Variants in JADE1 observed in about 807,000 individuals in gnomAD.
The protein encoded by JADE1 is protein Jade-1.
A neutral mutation model predicts 81.8 loss-of-function variants in JADE1; 14 were observed. That is an observed-to-expected ratio of 0.17 (90% CI 0.11 to 0.27). The LOEUF is 0.27. JADE1 is among the 10% of genes least tolerant of loss of function. JADE1 has a pLI of 1.00. For synonymous variants in JADE1, 353 were observed against 391.9 expected (o/e 0.90, Z 1.17); for missense variants, 690 against 1,047.9 (o/e 0.66, Z 4.71).
At chr4:128,812,374 G>A (rs1254857218) in intron 1 of JADE1, among the ~76,000 whole-genome samples, 1 of 151,694 alleles carries the variant, frequency 6.6e-6, no homozygotes, top group Non-Finnish European at 1.5e-5. Flanking sequence ...CGCATTCCCC[G>A]GCGGGCGGCG....
At chr4:128,853,942 C>G (rs1730582173) in intron 6 of JADE1, among the ~76,000 whole-genome samples, 1 of 152,184 alleles carries the variant, frequency 6.6e-6, no homozygotes, top group African/African-American at 2.4e-5. Flanking sequence ...TGGGAAGTCT[C>G]CTTACGGTAG....
intron 1 of JADE1, among the ~76,000 whole-genome samples, chr4:128,827,036 G>A (rs572751875): frequency 2.6e-5 from 4 of 152,174 alleles, no homozygotes; most frequent in Non-Finnish European, 5.9e-5. Context: ...TATCAAATTA[G>A]CCATAAACCC....
In JADE1 at chr4:128,872,842, A is replaced by T. The variant is rs1462501807; in HGVS notation, c.*580A>T. 2.2e-6 allele frequency: 1 copy of T among 448,736 alleles called. No individual in the cohort carries two copies. Among genetic ancestry groups the T allele is most frequent in the Non-Finnish European group, 4.5e-6 (1 of 222,582 alleles). The allele number at this position is 448,736 out of a possible 1,614,324, so 27.8% of individuals were successfully genotyped here. A position where few individuals can be genotyped will look rare whatever the true frequency, so the allele number is the denominator to read the frequency against. Reference sequence around the variant, plus strand: ...TATAGCAGTCAGGGAAGAGAATTTTAAAAAAGGTCATTATTGAAGAAGCTG... The same window carrying T: ...TATAGCAGTCAGGGAAGAGAATTTTTAAAAAGGTCATTATTGAAGAAGCTG... On this transcript the variant is annotated 3_prime_UTR_variant, in exon 11 of 11. Transcript: ENST00000226319.
rs1423977940 is a variant in JADE1, at chr4:128,872,818, A to G, written c.*556A>G. On this transcript the variant is annotated 3_prime_UTR_variant, in exon 11 of 11. Coordinates refer to ENST00000226319, the MANE Select transcript of JADE1 (RefSeq NM_199320.4). ...AACACTAAGAAATTTATGTGTAAAT[A>G]TAGCAGTCAGGGAAGAGAATTTTAA... 1.4e-5 allele frequency: 6 copies of G among 438,876 alleles called. No individual in the cohort carries two copies. 27.2% of individuals were successfully genotyped at this position (438,876 alleles called of 1,614,324 possible).
At position 128,818,144 on chromosome 4, in the gene JADE1, A is replaced by G. The variant is rs151303216; in HGVS notation, c.-27+8267A>G. On this transcript the variant is annotated intron_variant, in intron 1 of 10. Transcript: ENST00000226319. ...GGGACTTCTTTTTTTTTTTTGAGAT[A>G]GAGTCTTGCTCTGTTATGCAGGATG... 1.5e-3 allele frequency among the ~76,000 whole-genome samples: 233 copies of G among 150,628 alleles called. 3 individuals carry two copies. The highest frequency in any genetic ancestry group is 0.014 in the East Asian group (71 of 5,118).
rs987139588 is a variant in JADE1, at chr4:128,874,484, AAAC to A, written c.*2225_*2227del. The stretch of plus-strand genomic sequence containing the variant: ...AAGTTATGCTGAACCAAAAAAAACA[AAAC>A]AAAAACAAAACAAAAAATATTAAAA... On this transcript the variant is annotated 3_prime_UTR_variant, in exon 11 of 11. Transcript: ENST00000226319. 1.4e-5 allele frequency: 2 copies of A among 138,512 alleles called. No individual in the cohort carries two copies. Among genetic ancestry groups the A allele is most frequent in the Non-Finnish European group, 3.0e-5 (2 of 66,392 alleles). 8.6% of individuals were successfully genotyped at this position (138,512 alleles called of 1,614,324 possible).
At chr4:128,812,130 G>C (rs1726479098) in intron 1 of JADE1, among the ~76,000 whole-genome samples, 1 of 151,696 alleles carries the variant, frequency 6.6e-6, no homozygotes, top group Non-Finnish European at 1.5e-5. Context: ...CGCGGCGGGG[G>C]GTGGCCACTT....
chr4:128,823,694 G>A (rs1444952833), intron 1 of JADE1, among the ~76,000 whole-genome samples: 1 of 152,178 alleles, frequency 6.6e-6, no homozygotes, highest in Non-Finnish European at 1.5e-5. Context: ...TAACGCTTAA[G>A]AGTTAAGCTA....
intron 8 of JADE1, among the ~76,000 whole-genome samples, chr4:128,858,810 A>G (rs767308524): frequency 1.6e-4 from 24 of 151,976 alleles, no homozygotes; most frequent in Non-Finnish European, 3.1e-4. Context: ...GGGTTTCACC[A>G]TGTTGGCCAG....
chr4:128,845,042 A>G (rs1729751221), intron 3 of JADE1, among the ~76,000 whole-genome samples: 1 of 152,250 alleles, frequency 6.6e-6, no homozygotes, highest in African/African-American at 2.4e-5. Context: ...CAGACAGGGC[A>G]GCTTACAGAT....
At chr4:128,821,855 G>C (rs976217851) in intron 1 of JADE1, among the ~76,000 whole-genome samples, 1 of 151,872 alleles carries the variant, frequency 6.6e-6, no homozygotes, top group African/African-American at 2.4e-5. Context: ...TTCTTGTCTG[G>C]GTTAGTTTTT....
chr4:128,855,852 T>C, intron 7 of JADE1, 55 bp downstream of exon 7: 1 of 1,489,408 alleles, frequency 6.7e-7, no homozygotes, highest in Non-Finnish European at 9.1e-7. Flanking sequence ...AGAGTTTAAC[T>C]CTGTCGCCCA....
chr4:128,872,306 TTTGCTAGAGGAGAGCTCTGATG>T lies in JADE1; in HGVS notation c.*46_*67del. The T allele has an allele frequency of 6.4e-7, 1 of 1,563,506 alleles. No individual in the cohort carries two copies. Among genetic ancestry groups the T allele is most frequent in the Non-Finnish European group, 8.7e-7 (1 of 1,143,264 alleles). On this transcript the variant is annotated 3_prime_UTR_variant, in exon 11 of 11. Transcript: ENST00000226319. Reference sequence around the variant, plus strand: ...GAAGCCCTTTGGGCTCGTCATTGGGTTTGCTAGAGGAGAGCTCTGATGTGGGGGAGAAGCAGAAACCCATTAA... The same window carrying T: ...GAAGCCCTTTGGGCTCGTCATTGGGTTGGGGGAGAAGCAGAAACCCATTAA...
intron 9 of JADE1, among the ~76,000 whole-genome samples, 171 bp from the exon 10 acceptor site, chr4:128,867,685 C>T (rs1462391934): frequency 2.0e-5 from 3 of 152,306 alleles, no homozygotes; most frequent in East Asian, 3.9e-4. Flanking sequence ...TCCTTCTTAT[C>T]TGCCCAAAAG....
At chr4:128,828,729 C>G (rs1232414599) in intron 1 of JADE1, among the ~76,000 whole-genome samples, 2 of 152,138 alleles carry the variant, frequency 1.3e-5, no homozygotes, top group African/African-American at 4.8e-5. Context: ...AGTGCTTCCT[C>G]AGGGAGTTGT....
At position 128,855,671 on chromosome 4, in the gene JADE1, G is replaced by C. The variant is rs1010791289; in HGVS notation, c.738G>C (p.Leu246=). Residue 246 remains leucine (L), a synonymous_variant, in exon 7 of 11, where the codon CTG becomes CTC. Coordinates refer to ENST00000226319, the MANE Select transcript of JADE1 (RefSeq NM_199320.4). ...GILKVPEGSW[L]CRTCALGVQP... is the part of the protein sequence containing the mutation. ...TCAAGGTACCAGAGGGCAGCTGGCT[G>C]TGCCGGACATGTGCCCTGGGGGTTC... The C allele has an allele frequency of 8.7e-6, 14 of 1,613,982 alleles. No individual in the cohort carries two copies. The highest frequency in any genetic ancestry group is 1.1e-5 in the Non-Finnish European group (13 of 1,179,946).
In JADE1 at chr4:128,873,115, T is replaced by C. The variant is rs1732312185; in HGVS notation, c.*853T>C. ...TGGCCATTGCCAATACCTGGCCATCTGGCTTCCAATAGTACAGTGGCTACT... is the reference window on the plus strand; with the variant it reads ...TGGCCATTGCCAATACCTGGCCATCCGGCTTCCAATAGTACAGTGGCTACT... On this transcript the variant is annotated 3_prime_UTR_variant, in exon 11 of 11. Coordinates refer to ENST00000226319, the MANE Select transcript of JADE1 (RefSeq NM_199320.4). 5 of 317,064 alleles carry C rather than the reference T, an allele frequency of 1.6e-5. No individual in the cohort carries two copies. Among genetic ancestry groups the C allele is most frequent in the South Asian group, 1.3e-4 (5 of 39,858 alleles). The allele number at this position is 317,064 out of a possible 1,614,324, so 19.6% of individuals were successfully genotyped here.
chr4:128,838,559 C>G (rs1488225575), intron 2 of JADE1, among the ~76,000 whole-genome samples: 1 of 152,148 alleles, frequency 6.6e-6, no homozygotes, highest in Non-Finnish European at 1.5e-5. Context: ...AATCTTACCA[C>G]GCGGTTTTTA....
intron 5 of JADE1, among the ~76,000 whole-genome samples, chr4:128,851,271 A>G (rs959136177): frequency 1.3e-5 from 2 of 152,222 alleles, no homozygotes; most frequent in Non-Finnish European, 2.9e-5. Flanking sequence ...TTGTAGAAGT[A>G]AGAGGATGAG....
Sources: gnomAD v4.1 joint callset for allele counts (sites outside exome capture counted in the v4.1 genomes callset) on GRCh38, gnomAD v4.1.1 for gene constraint, MANE v1.5 for transcripts, NCBI Gene and HGNC (gene_info 2026-07-23, HGNC 2026-07-21) for gene names.